FBN2: variants seen among roughly 807,000 people sequenced by gnomAD.
FBN2 encodes the protein fibrillin 2.
A neutral mutation model predicts 355.6 loss-of-function variants in FBN2; 105 were observed. The observed-to-expected ratio is 0.30, with a 90% CI of 0.25 to 0.35. The LOEUF is 0.35. Ranked by LOEUF, FBN2 falls within the 10% of genes least tolerant of loss-of-function variation. FBN2 has a pLI of 1.00. For missense variants in FBN2, 3,280 were observed against 3,758.7 expected, an observed-to-expected ratio of 0.87 and a Z score of 3.33; for synonymous variants, 1,350 against 1,301.2, an observed-to-expected ratio of 1.04 and a Z score of -0.81.
chr5:128,313,616 G>C (rs1255706395), intron 36 of FBN2, among the ~76,000 whole-genome samples: 1 of 151,570 alleles, frequency 6.6e-6, no homozygotes, highest in Non-Finnish European at 1.5e-5. Context: ...CAGTAATAAG[G>C]GCTGTCTACT....
At chr5:128,468,662 A>T (rs1030692232) in intron 5 of FBN2, among the ~76,000 whole-genome samples, 38 of 152,182 alleles carry the variant, frequency 2.5e-4, no homozygotes, top group Admixed American at 6.5e-5. Flanking sequence ...ACCTGGGTTC[A>T]CATTTTACAT....
rs934561093 is a variant in FBN2, at chr5:128,281,177, G to T, written c.7013-860C>A. Among the ~76,000 whole-genome samples the T allele has an allele frequency of 2.0e-5, 3 of 152,136 alleles. No individual in the cohort carries two copies. In the South Asian group the frequency reaches 6.2e-4, roughly 32 times the overall value. ...CAATTCTATTAAAGAGAACCTAGCA[G>T]AATTCTTAAAAACACATTTATCTTT... On this transcript the variant is annotated intron_variant, in intron 55 of 64. Coordinates refer to ENST00000262464, the MANE Select transcript of FBN2 (RefSeq NM_001999.4).
At chr5:128,282,685 T>C (rs546613089) in intron 55 of FBN2, among the ~76,000 whole-genome samples, 1 of 152,320 alleles carries the variant, frequency 6.6e-6, no homozygotes, top group East Asian at 1.9e-4. Flanking sequence ...GTAACTTTAA[T>C]AGGGTGTATC....
chr5:128,359,368 A>G (rs1447540922), intron 19 of FBN2, among the ~76,000 whole-genome samples: 2 of 152,100 alleles, frequency 1.3e-5, no homozygotes, highest in African/African-American at 4.8e-5. Context: ...CTTCAGACAG[A>G]AACACTTACT....
intron 52 of FBN2, 143 bp from the exon 53 acceptor site, chr5:128,288,700 G>A: frequency 1.1e-6 from 1 of 925,776 alleles, no homozygotes; most frequent in Non-Finnish European, 1.7e-6. Context: ...GCCTTGGCTG[G>A]CTGGCAGCTA....
chr5:128,514,383 T>G (rs1756222227), intron 5 of FBN2, among the ~76,000 whole-genome samples: 1 of 152,164 alleles, frequency 6.6e-6, no homozygotes, highest in Admixed American at 6.5e-5. Context: ...CTCTCTTACT[T>G]TTTGTTCCTA....
chr5:128,456,601 C>G (rs1011618171), intron 6 of FBN2, among the ~76,000 whole-genome samples: 1 of 152,064 alleles, frequency 6.6e-6, no homozygotes, highest in Non-Finnish European at 1.5e-5. Flanking sequence ...CCCATCTCTG[C>G]GGCTCTCTAG....
intron 4 of FBN2, among the ~76,000 whole-genome samples, chr5:128,527,486 C>A (rs909571386): frequency 1.3e-5 from 2 of 151,572 alleles, no homozygotes. Flanking sequence ...AAAGAGGGAA[C>A]TGGAGAGGGA....
intron 49 of FBN2, 87 bp from the exon 50 acceptor site, chr5:128,290,971 G>A: frequency 7.8e-7 from 1 of 1,281,752 alleles, no homozygotes; most frequent in Non-Finnish European, 1.1e-6. Context: ...ACGGGATGCA[G>A]ACTAGATCAG....
At chr5:128,430,189 A>T (rs1375513771) in intron 7 of FBN2, among the ~76,000 whole-genome samples, 1 of 150,596 alleles carries the variant, frequency 6.6e-6, no homozygotes, top group Non-Finnish European at 1.5e-5. Flanking sequence ...TTTCTTTGGC[A>T]TTTTTCTTTT....
intron 19 of FBN2, among the ~76,000 whole-genome samples, chr5:128,359,308 C>G (rs1216022230): frequency 6.6e-6 from 1 of 150,886 alleles, no homozygotes; most frequent in African/African-American, 2.5e-5. Flanking sequence ...TAATAATTCC[C>G]TGTCTAGTCT....
At chr5:128,352,525 G>A (rs960047726) in intron 20 of FBN2, among the ~76,000 whole-genome samples, 11 of 152,348 alleles carry the variant, frequency 7.2e-5, no homozygotes, top group Admixed American at 6.5e-4. Context: ...ATAAATGACT[G>A]TTAACTGATT....
intron 6 of FBN2, among the ~76,000 whole-genome samples, chr5:128,453,756 G>C (rs1754316505): frequency 6.6e-6 from 1 of 151,948 alleles, no homozygotes; most frequent in Non-Finnish European, 1.5e-5. Flanking sequence ...GAAACGTGTT[G>C]GTTTGAAACT....
intron 35 of FBN2, among the ~76,000 whole-genome samples, chr5:128,318,576 ATG>A (rs1470070673): frequency 1.3e-5 from 2 of 151,620 alleles, no homozygotes; most frequent in South Asian, 2.1e-4. Context: ...ACATATATAC[ATG>A]TATATATATA....
At chr5:128,434,962 C>A (rs1269585404) in intron 7 of FBN2, among the ~76,000 whole-genome samples, 2 of 152,088 alleles carry the variant, frequency 1.3e-5, no homozygotes. Flanking sequence ...TTCCAGTCAT[C>A]TTTAGCAGAC....
intron 7 of FBN2, among the ~76,000 whole-genome samples, chr5:128,414,322 A>T (rs1352930682): frequency 6.6e-6 from 1 of 151,886 alleles, no homozygotes; most frequent in East Asian, 1.9e-4. Context: ...CACTGATCTC[A>T]TTTCTGTCTC....
At position 128,537,341 on chromosome 5, in the gene FBN2, C is replaced by A; in HGVS notation, c.254+9G>T. 1 of 1,609,748 alleles carries A rather than the reference C, an allele frequency of 6.2e-7. No homozygotes were observed. ...GGAGCCCTAGGTGCGGAGCCGCTTGCCCACTTACCCTCGGAGCACGTCCTG... is the reference window on the plus strand; with the variant it reads ...GGAGCCCTAGGTGCGGAGCCGCTTGACCACTTACCCTCGGAGCACGTCCTG... On this transcript the variant is annotated intron_variant, in intron 1 of 64. Transcript: ENST00000262464.
intron 13 of FBN2, 99 bp from the exon 14 acceptor site, chr5:128,376,952 G>A (rs1055761745): frequency 7.0e-7 from 1 of 1,434,194 alleles, no homozygotes; most frequent in Admixed American, 1.7e-5. Flanking sequence ...CTACCTAAAT[G>A]AGCCATGTGC....
intron 2 of FBN2, among the ~76,000 whole-genome samples, chr5:128,532,428 GTC>G (rs1256924795): frequency 1.3e-5 from 2 of 152,188 alleles, no homozygotes; most frequent in East Asian, 3.9e-4. Context: ...CGAATGGGAA[GTC>G]TCTCCCATGT....
Sources: gnomAD v4.1 joint callset for allele counts (sites outside exome capture counted in the v4.1 genomes callset) on GRCh38, gnomAD v4.1.1 for gene constraint, MANE v1.5 for transcripts, NCBI Gene and HGNC (gene_info 2026-07-23, HGNC 2026-07-21) for gene names.